The following TVP23B variants were observed in gnomAD, a reference collection of about 807,000 sequenced individuals.
TVP23B encodes the protein trans-golgi network vesicle protein 23 homolog B.
Under a neutral mutation model 30.6 loss-of-function variants are expected in TVP23B, and 10 were observed. The observed-to-expected ratio is 0.33, with a 90% CI of 0.20 to 0.55. The LOEUF is 0.55. Ranked by LOEUF, TVP23B falls within the 20% of genes least tolerant of loss-of-function variation. The pLI is 0.91. For missense variants in TVP23B, 153 were observed against 243.2 expected, an observed-to-expected ratio of 0.63 and a Z score of 2.47; for synonymous variants, 67 against 83.1, an observed-to-expected ratio of 0.81 and a Z score of 1.06.
At chr17:18,791,818 T>A (rs2035998588) in intron 3 of TVP23B, among the ~76,000 whole-genome samples, 1 of 151,750 alleles carries the variant, frequency 6.6e-6, no homozygotes, top group Non-Finnish European at 1.5e-5. Context: ...AATAAATAGA[T>A]AAGTAAGCAT....
At chr17:18,790,445 C>T (rs1242832824) in intron 2 of TVP23B, among the ~76,000 whole-genome samples, 1 of 129,052 alleles carries the variant, frequency 7.7e-6, no homozygotes, top group African/African-American at 3.1e-5. Flanking sequence ...GCCTGGGCGA[C>T]GGAGCGAGAC....
At chr17:18,795,524 C>T (rs1305224912) in intron 3 of TVP23B, among the ~76,000 whole-genome samples, 1 of 152,162 alleles carries the variant, frequency 6.6e-6, no homozygotes, top group Non-Finnish European at 1.5e-5. Context: ...TGCTCTTCTT[C>T]CTCCCACATC....
intron 1 of TVP23B, among the ~76,000 whole-genome samples, chr17:18,788,330 C>CAAAAAA (rs961283447): frequency 1.1e-3 from 72 of 67,028 alleles, no homozygotes; most frequent in Non-Finnish European, 1.5e-3. Flanking sequence ...GACTCCATCT[C>CAAAAAA]AAAAAAAAAA....
intron 2 of TVP23B, 57 bp downstream of exon 2, chr17:18,789,492 T>C: frequency 6.2e-7 from 1 of 1,610,288 alleles, no homozygotes; most frequent in Non-Finnish European, 8.5e-7. Context: ...TCTGTATGTA[T>C]GTCAGTGCTA....
At chr17:18,781,370 G>T (rs2035804235) in intron 1 of TVP23B, 65 bp downstream of exon 1, 6 of 1,545,368 alleles carry the variant, frequency 3.9e-6, no homozygotes, top group Non-Finnish European at 5.2e-6. Context: ...GGTTCCGTGG[G>T]ACTGGAGCCC....
chr17:18,784,102 G>A (rs1158496100), intron 1 of TVP23B, among the ~76,000 whole-genome samples: 8 of 152,150 alleles, frequency 5.3e-5, no homozygotes, highest in South Asian at 2.1e-4. Flanking sequence ...CCGAGATCGC[G>A]CCACTGCACT....
In TVP23B at chr17:18,781,186, A is replaced by G. The variant is rs1475319195; in HGVS notation, c.-108A>G. The G allele has an allele frequency of 6.6e-7, 1 of 1,511,806 alleles. No individual in the cohort carries two copies. The highest frequency in any genetic ancestry group is 1.4e-5 in the African/African-American group (1 of 72,140). 93.6% of individuals were successfully genotyped at this position (1,511,806 alleles called of 1,614,324 possible). A position where few individuals can be genotyped will look rare whatever the true frequency, so the allele number is the denominator to read the frequency against. On this transcript the variant is annotated 5_prime_UTR_variant, in exon 1 of 7. Coordinates refer to ENST00000307767, the MANE Select transcript of TVP23B (RefSeq NM_016078.6). Reference sequence around the variant, plus strand: ...GAAGTGAGGCCGGACTGAGGCTCTTACAGTGGTCCCTGCTGGCCCTTGGTG... The same window carrying G: ...GAAGTGAGGCCGGACTGAGGCTCTTGCAGTGGTCCCTGCTGGCCCTTGGTG...
At chr17:18,788,879 A>G (rs1360078691) in intron 1 of TVP23B, among the ~76,000 whole-genome samples, 1 of 152,012 alleles carries the variant, frequency 6.6e-6, no homozygotes, top group Non-Finnish European at 1.5e-5. Context: ...AGGAGGCATG[A>G]AAAGAAGTTA....
At chr17:18,791,892 G>A (rs1396871316) in intron 3 of TVP23B, among the ~76,000 whole-genome samples, 2 of 151,790 alleles carry the variant, frequency 1.3e-5, no homozygotes, top group Non-Finnish European at 2.9e-5. Flanking sequence ...AAATTTAACT[G>A]TGTGTGTTCG....
In TVP23B at chr17:18,806,241, T is replaced by C. The variant is rs535884241; in HGVS notation, c.*674T>C. ...TTAAGGAATACCCAGAGATTGCTGC[T>C]GTTCTATTTATTTTACAGAAAGGAT... is the stretch of plus-strand genomic sequence containing the variant. On this transcript the variant is annotated 3_prime_UTR_variant, in exon 7 of 7. Coordinates refer to ENST00000307767, the MANE Select transcript of TVP23B (RefSeq NM_016078.6). The C allele has an allele frequency of 1.7e-5, 16 of 958,368 alleles. No homozygotes were observed. The East Asian group carries it at 1.5e-3, about 89-fold the overall frequency. The allele number at this position is 958,368 out of a possible 1,614,324, so 59.4% of individuals were successfully genotyped here.
chr17:18,795,504 C>T (rs1412659317), intron 3 of TVP23B, among the ~76,000 whole-genome samples: 1 of 152,180 alleles, frequency 6.6e-6, no homozygotes, highest in African/African-American at 2.4e-5. Flanking sequence ...GCCTGCTGCT[C>T]TATCTGGAAT....
chr17:18,783,352 C>T (rs181959355), intron 1 of TVP23B, among the ~76,000 whole-genome samples: 4 of 152,240 alleles, frequency 2.6e-5, no homozygotes, highest in African/African-American at 7.2e-5. Context: ...GTGATCCACC[C>T]GCCTCAGCCT....
intron 5 of TVP23B, 142 bp from the exon 6 acceptor site, chr17:18,803,996 A>G (rs2036208374): frequency 1.7e-5 from 10 of 600,882 alleles, no homozygotes; most frequent in Non-Finnish European, 3.1e-5. Context: ...TGTCTCTGGA[A>G]AATCTCAACT....
At chr17:18,804,644 A>G in intron 6 of TVP23B, 1 of 1,064,664 alleles carries the variant, frequency 9.4e-7, no homozygotes, top group Non-Finnish European at 1.1e-6. Flanking sequence ...GCTGGAGTGC[A>G]GTGGTGCAAT....
In TVP23B at chr17:18,804,213, A is replaced by G. The variant is rs2151853004; in HGVS notation, c.538A>G (p.Lys180Glu). The change falls in exon 6 of 7, where the codon AAG (lysine) becomes GAG (glutamate). Residue 180 changes from lysine (K) to glutamate (E), a missense_variant. By Grantham distance (56) the Lys-to-Glu change is moderately conservative. Around this residue, in one of 3 missense-constraint regions of TVP23B, gnomAD observed 62 missense variants for 74.3 expected, o/e 0.83. Transcript: ENST00000307767. ...GYIRCKVRSR[K>E]HLTSMATSYF... ...CATCAGGTGTAAGGTGCGCAGCAGA[A>G]AGCATTTAACCAGCATGGCTACTTC... 1 of 1,609,066 alleles carries G rather than the reference A, an allele frequency of 6.2e-7. No individual in the cohort carries two copies. The highest frequency in any genetic ancestry group is 2.2e-5 in the East Asian group (1 of 44,844).
chr17:18,803,858 C>G (rs539156552), intron 5 of TVP23B, among the ~76,000 whole-genome samples: 2 of 152,236 alleles, frequency 1.3e-5, no homozygotes, highest in East Asian at 3.9e-4. Flanking sequence ...AAGGCTCCCC[C>G]TGCACTGCAT....
chr17:18,790,761 A>C, intron 2 of TVP23B, 135 bp from the exon 3 acceptor site: 1 of 1,467,098 alleles, frequency 6.8e-7, no homozygotes, highest in Non-Finnish European at 9.3e-7. Context: ...GGTTTGCTTC[A>C]TCCTACTAAA....
chr17:18,787,652 GACA>G (rs1416224598), intron 1 of TVP23B, among the ~76,000 whole-genome samples: 1 of 152,174 alleles, frequency 6.6e-6, no homozygotes, highest in African/African-American at 2.4e-5. Context: ...AGTTTTCTGA[GACA>G]ACATGTGAAA....
intron 1 of TVP23B, among the ~76,000 whole-genome samples, chr17:18,785,679 G>C (rs1277332878): frequency 1.3e-5 from 2 of 152,060 alleles, no homozygotes; most frequent in Non-Finnish European, 2.9e-5. Context: ...TTTGAGACTA[G>C]CCTGGGCAAC....
Sources: gnomAD v4.1 joint callset for allele counts (sites outside exome capture counted in the v4.1 genomes callset) on GRCh38, gnomAD v4.1.1 for gene constraint, gnomAD v4.1.1 regional missense constraint, MANE v1.5 for transcripts, NCBI Gene and HGNC (gene_info 2026-07-23, HGNC 2026-07-21) for gene names.